The following CADM2 variants were observed in gnomAD, a reference collection of about 807,000 sequenced individuals.
The protein encoded by CADM2 is immunoglobulin superfamily member 4D.
CADM2 carries 12 observed loss-of-function variants against 49.8 expected under a neutral mutation model. That is an observed-to-expected ratio of 0.24 (90% confidence interval 0.15 to 0.39). CADM2 has a LOEUF of 0.39. CADM2 is among the 10% of genes least tolerant of loss of function. The pLI is 1.00. For missense variants in CADM2, 378 were observed against 492.3 expected, an observed-to-expected ratio of 0.77 and a Z score of 2.20; for synonymous variants, 214 against 175.4, an observed-to-expected ratio of 1.22 and a Z score of -1.74.
chr3:85,644,143 G>A (rs144885386), intron 1 of CADM2, among the ~76,000 whole-genome samples: 1 of 152,236 alleles, frequency 6.6e-6, no homozygotes, highest in East Asian at 1.9e-4. Flanking sequence ...CAAGATCAAA[G>A]TTTTAGCAGC....
intron 1 of CADM2, among the ~76,000 whole-genome samples, chr3:85,502,007 C>T (rs1032811375): frequency 2.0e-5 from 3 of 151,924 alleles, no homozygotes; most frequent in Admixed American, 6.6e-5. Context: ...TGAATTTAAA[C>T]GCTGAAAAAA....
At chr3:85,897,241 CTTTTTTTTTTTTTTTTTTTTTTTTTT>C (rs752550127) in intron 5 of CADM2, among the ~76,000 whole-genome samples, 1 of 45,900 alleles carries the variant, frequency 2.2e-5, no homozygotes, top group Non-Finnish European at 4.6e-5. Context: ...TAACCTACAT[CTTTTTTTTTTTTTTTTTTTTTTTTTT>C]TTTTTTTTTT....
At chr3:85,268,561 T>C (rs1034186642) in intron 1 of CADM2, among the ~76,000 whole-genome samples, 2 of 151,302 alleles carry the variant, frequency 1.3e-5, no homozygotes, top group African/African-American at 4.8e-5. Flanking sequence ...GTGCATATTA[T>C]AAAAATCCCA....
At chr3:85,478,168 T>C (rs1683293083) in intron 1 of CADM2, among the ~76,000 whole-genome samples, 1 of 151,908 alleles carries the variant, frequency 6.6e-6, no homozygotes, top group Non-Finnish European at 1.5e-5. Flanking sequence ...GATAAGGCTT[T>C]CCCACAGCAT....
At chr3:85,739,198 T>C (rs2068276048) in intron 2 of CADM2, among the ~76,000 whole-genome samples, 2 of 152,080 alleles carry the variant, frequency 1.3e-5, no homozygotes, top group Non-Finnish European at 2.9e-5. Flanking sequence ...TTATACTGAT[T>C]TCCATACCCA....
At chr3:85,283,360 T>G (rs1194292479) in intron 1 of CADM2, among the ~76,000 whole-genome samples, 2 of 151,704 alleles carry the variant, frequency 1.3e-5, no homozygotes, top group African/African-American at 2.4e-5. Context: ...TTAATACTCT[T>G]TTAAAACAGT....
chr3:85,890,601 C>T (rs1228848072), intron 5 of CADM2, among the ~76,000 whole-genome samples: 1 of 151,784 alleles, frequency 6.6e-6, no homozygotes, highest in African/African-American at 2.4e-5. Context: ...GGAGAGAGAC[C>T]ATTTGGGGAG....
At chr3:85,415,187 G>A (rs946581629) in intron 1 of CADM2, among the ~76,000 whole-genome samples, 1 of 152,024 alleles carries the variant, frequency 6.6e-6, no homozygotes, top group Non-Finnish European at 1.5e-5. Context: ...AATACAGAAA[G>A]ACATATTTGG....
intron 7 of CADM2, among the ~76,000 whole-genome samples, chr3:85,940,582 T>A (rs1260422796): frequency 6.6e-6 from 1 of 152,138 alleles, no homozygotes; most frequent in Non-Finnish European, 1.5e-5. Flanking sequence ...GTTAAATTAT[T>A]TGGCCTAATA....
At chr3:85,492,828 C>A (rs75894908) in intron 1 of CADM2, among the ~76,000 whole-genome samples, 12,191 of 151,982 alleles carry the variant, frequency 0.08, 943 homozygotes, top group African/African-American at 0.18. Context: ...TGTTGCCAAA[C>A]AATAAAGGTG....
At chr3:85,688,324 T>A (rs560174704) in intron 1 of CADM2, among the ~76,000 whole-genome samples, 2 of 152,274 alleles carry the variant, frequency 1.3e-5, no homozygotes, top group East Asian at 3.9e-4. Context: ...CCACAGAAGA[T>A]ACATGGATGG....
At chr3:85,126,520 TA>T (rs2039039916) in intron 1 of CADM2, among the ~76,000 whole-genome samples, 1 of 152,176 alleles carries the variant, frequency 6.6e-6, no homozygotes, top group Non-Finnish European at 1.5e-5. Context: ...GTGTATGTTT[TA>T]AAAAATATTT....
chr3:85,621,497 G>T (rs1481002385), intron 1 of CADM2, among the ~76,000 whole-genome samples: 1 of 151,954 alleles, frequency 6.6e-6, no homozygotes, highest in Non-Finnish European at 1.5e-5. Context: ...GATTTATTTT[G>T]CCTAGTACAT....
At chr3:85,256,659 A>G (rs2042892073) in intron 1 of CADM2, among the ~76,000 whole-genome samples, 1 of 152,100 alleles carries the variant, frequency 6.6e-6, no homozygotes, top group African/African-American at 2.4e-5. Flanking sequence ...AATACTTACA[A>G]AGTCTAGTTT....
chr3:85,029,270 G>A (rs1162446770), intron 1 of CADM2, among the ~76,000 whole-genome samples: 1 of 152,106 alleles, frequency 6.6e-6, no homozygotes, highest in Admixed American at 6.6e-5. Context: ...ATCAAATACA[G>A]TTTGAGTATC....
At chr3:85,348,664 A>G (rs1354519150) in intron 1 of CADM2, among the ~76,000 whole-genome samples, 1 of 152,302 alleles carries the variant, frequency 6.6e-6, no homozygotes, top group African/African-American at 2.4e-5. Context: ...TCTAATTTGT[A>G]TGACAATGAG....
intron 1 of CADM2, among the ~76,000 whole-genome samples, chr3:85,414,469 T>A (rs1358591836): frequency 6.6e-6 from 1 of 152,192 alleles, no homozygotes; most frequent in African/African-American, 2.4e-5. Context: ...TTAGTGGAAC[T>A]GGAGTTTGTG....
chr3:85,293,446 G>T (rs558538453), intron 1 of CADM2, among the ~76,000 whole-genome samples: 7,789 of 140,174 alleles, frequency 0.056, 771 homozygotes, highest in African/African-American at 0.21. Flanking sequence ...TATGAGGCCA[G>T]CATCATTCTG....
At chr3:85,897,996 C>T (rs1715483156) in intron 5 of CADM2, among the ~76,000 whole-genome samples, 1 of 151,972 alleles carries the variant, frequency 6.6e-6, no homozygotes, top group Non-Finnish European at 1.5e-5. Flanking sequence ...AGTGGCCTTG[C>T]CATTTCATCC....
Sources: gnomAD v4.1 joint callset for allele counts (sites outside exome capture counted in the v4.1 genomes callset) on GRCh38, gnomAD v4.1.1 for gene constraint, MANE v1.5 for transcripts, NCBI Gene and HGNC (gene_info 2026-07-23, HGNC 2026-07-21) for gene names.